The following ESCO1 variants were observed in gnomAD, a reference collection of about 807,000 sequenced individuals.
ESCO1 encodes the protein N-acetyltransferase ESCO1.
ESCO1 carries 33 observed loss-of-function variants against 83.5 expected under a neutral mutation model. The observed-to-expected ratio is 0.40, with a 90% CI of 0.30 to 0.53. The LOEUF is 0.53. Ranked by LOEUF, ESCO1 falls within the 20% of genes least tolerant of loss-of-function variation. ESCO1 has a pLI of 0.63. For missense variants in ESCO1, 855 were observed against 968.0 expected (o/e 0.88, Z 1.55); for synonymous variants, 332 against 324.3 (o/e 1.02, Z -0.25).
chr18:21,550,067 T>G (rs764987492), intron 8 of ESCO1, among the ~76,000 whole-genome samples: 1 of 151,970 alleles, frequency 6.6e-6, no homozygotes, highest in Non-Finnish European at 1.5e-5. Flanking sequence ...TGAAAAGGCA[T>G]AGAAACAAAA....
At chr18:21,588,941 G>A (rs2038621494) in intron 1 of ESCO1, among the ~76,000 whole-genome samples, 1 of 151,694 alleles carries the variant, frequency 6.6e-6, no homozygotes, top group South Asian at 2.1e-4. Context: ...TTTTAGAAAT[G>A]TTAATAATAG....
intron 7 of ESCO1, 108 bp from the exon 8 acceptor site, chr18:21,561,098 C>G: frequency 2.3e-5 from 23 of 1,020,228 alleles, no homozygotes; most frequent in Non-Finnish European, 3.1e-5. Flanking sequence ...GTTTAATCTA[C>G]ATGAATAACA....
intron 8 of ESCO1, among the ~76,000 whole-genome samples, chr18:21,560,225 A>T (rs1192623866): frequency 6.6e-6 from 1 of 152,014 alleles, no homozygotes; most frequent in African/African-American, 2.4e-5. Flanking sequence ...TGCTAAAAAA[A>T]TTTTGCTATT....
At chr18:21,595,393 G>A (rs1210088970) in intron 1 of ESCO1, among the ~76,000 whole-genome samples, 8 of 149,252 alleles carry the variant, frequency 5.4e-5, no homozygotes, top group East Asian at 4.0e-4. Context: ...AAAAGGGGCC[G>A]GCGCTGTGGT....
Position 21,573,891 on chromosome 18 carries a change from T to C in ESCO1, c.953A>G (p.Asn318Ser), listed in dbSNP as rs761046584. 1 of 1,614,100 alleles carries C rather than the reference T, an allele frequency of 6.2e-7. No individual in the cohort carries two copies. The highest frequency in any genetic ancestry group is 8.5e-7 in the Non-Finnish European group (1 of 1,180,018). The change falls in exon 4 of 12, where the codon AAT becomes AGT. Residue 318 changes from asparagine to serine, a missense_variant. Around this residue, in one of 2 missense-constraint regions of ESCO1, gnomAD observed 726 missense variants for 699.5 expected, o/e 1.04. Coordinates refer to ENST00000269214, the MANE Select transcript of ESCO1 (RefSeq NM_052911.3). ...EEIAGEIESD[N>S]VEVKKESSQM... Reference sequence around the variant, plus strand: ...TGAAGATTCCTTTTTTACCTCTACATTATCTGACTCAATTTCACCAGCAAT... The same window carrying C: ...TGAAGATTCCTTTTTTACCTCTACACTATCTGACTCAATTTCACCAGCAAT...
At chr18:21,591,616 ACT>A (rs1219520624) in intron 1 of ESCO1, among the ~76,000 whole-genome samples, 1 of 150,162 alleles carries the variant, frequency 6.7e-6, no homozygotes, top group Non-Finnish European at 1.5e-5. Context: ...CTCCAATCAC[ACT>A]GTTATCATCA....
intron 7 of ESCO1, 108 bp downstream of exon 7, chr18:21,564,095 C>G: frequency 2.7e-6 from 2 of 748,620 alleles, no homozygotes; most frequent in Non-Finnish European, 4.4e-6. Context: ...CCAAATAAAC[C>G]TCTTTTCTAT....
At chr18:21,565,114 TACTAATTTTCAGTAAAAAAACAAAA>T (rs1217215767) in intron 6 of ESCO1, among the ~76,000 whole-genome samples, 49 of 151,950 alleles carry the variant, frequency 3.2e-4, no homozygotes, top group Middle Eastern at 3.4e-3. Flanking sequence ...GAAAGAAAAT[TACTAATTTTCAGTAAAAAAACAAAA>T]ACTAATTTTC....
At chr18:21,559,783 T>C (rs2038159396) in intron 8 of ESCO1, among the ~76,000 whole-genome samples, 1 of 152,218 alleles carries the variant, frequency 6.6e-6, no homozygotes, top group Non-Finnish European at 1.5e-5. Flanking sequence ...ATATTCTATG[T>C]CCACGCACCT....
At chr18:21,598,900 A>G (rs1350128487) in intron 1 of ESCO1, among the ~76,000 whole-genome samples, 1 of 152,198 alleles carries the variant, frequency 6.6e-6, no homozygotes, top group Admixed American at 6.6e-5. Context: ...TAAAAGGGAA[A>G]AAGTGGCTCT....
intron 9 of ESCO1, among the ~76,000 whole-genome samples, chr18:21,538,286 TTA>T (rs1491200426): frequency 7.2e-6 from 1 of 138,598 alleles, no homozygotes; most frequent in Non-Finnish European, 1.6e-5. Flanking sequence ...ACCCTGTCTC[TTA>T]AAAAAAAAAA....
At chr18:21,567,050 C>A (rs1426717213) in intron 5 of ESCO1, among the ~76,000 whole-genome samples, 1 of 152,154 alleles carries the variant, frequency 6.6e-6, no homozygotes, top group Non-Finnish European at 1.5e-5. Context: ...GTATACCTTT[C>A]CTTTAGCAGA....
rs1416126833 is a variant in ESCO1 at position 21,596,404 on chromosome 18, A to ATCTT, written c.-825+4215_-825+4218dup. 3.3e-5 allele frequency among the ~76,000 whole-genome samples: 5 copies of ATCTT among 152,288 alleles called. No individual in the cohort carries two copies. In the East Asian group the frequency reaches 9.6e-4, roughly 29 times the overall value. ...ACCCTCTGAGTTTTTATCTGTGAGA[A>ATCTT]TCTTACGTATGCTGCCATAAATGTT... On this transcript the variant is annotated intron_variant, in intron 1 of 11. Coordinates refer to ENST00000269214, the MANE Select transcript of ESCO1 (RefSeq NM_052911.3).
At chr18:21,578,083 T>G (rs981354790) in intron 2 of ESCO1, among the ~76,000 whole-genome samples, 1 of 152,124 alleles carries the variant, frequency 6.6e-6, no homozygotes, top group African/African-American at 2.4e-5. Context: ...ATCGGGAGTC[T>G]ACCAGCCACT....
intron 8 of ESCO1, among the ~76,000 whole-genome samples, chr18:21,549,002 TTTC>T (rs1164397677): frequency 6.6e-6 from 1 of 152,172 alleles, no homozygotes; most frequent in East Asian, 1.9e-4. Flanking sequence ...GCTACAGAGT[TTTC>T]TGAAGTATCA....
chr18:21,583,909 T>C (rs2038538383), intron 2 of ESCO1, among the ~76,000 whole-genome samples: 1 of 152,174 alleles, frequency 6.6e-6, no homozygotes, highest in African/African-American at 2.4e-5. Context: ...AGATGTAAGT[T>C]ATATGGAACC....
intron 1 of ESCO1, among the ~76,000 whole-genome samples, chr18:21,588,665 C>T (rs2038617215): frequency 6.6e-6 from 1 of 152,114 alleles, no homozygotes; most frequent in East Asian, 1.9e-4. Flanking sequence ...GCCTGTAATA[C>T]TAACACTATG....
chr18:21,591,281 A>G (rs1412745491), intron 1 of ESCO1, among the ~76,000 whole-genome samples: 154 of 152,316 alleles, frequency 1.0e-3, no homozygotes, highest in Non-Finnish European at 3.4e-4. Flanking sequence ...GATTGGAGTA[A>G]TGTGGTCATA....
In ESCO1 at chr18:21,574,286, A is replaced by G; in HGVS notation, c.558T>C (p.Ser186=). The part of the protein sequence containing the change: ...KRKVLEVKSD[S]KEDENLVINE... ...TAATTACTAGATTTTCATCTTCTTT[A>G]GAGTCAGACTTTACTTCCAGTACTT... Residue 186 remains serine, a synonymous_variant, in exon 4 of 12, where the codon TCT becomes TCC. Coordinates refer to ENST00000269214, the MANE Select transcript of ESCO1 (RefSeq NM_052911.3). 6.2e-7 allele frequency: 1 copy of G among 1,613,716 alleles called. No homozygotes were observed. Among genetic ancestry groups the G allele is most frequent in the Non-Finnish European group, 8.5e-7 (1 of 1,179,984 alleles).
Sources: gnomAD v4.1 joint callset for allele counts (sites outside exome capture counted in the v4.1 genomes callset) on GRCh38, gnomAD v4.1.1 for gene constraint, gnomAD v4.1.1 regional missense constraint, MANE v1.5 for transcripts, NCBI Gene and HGNC (gene_info 2026-07-23, HGNC 2026-07-21) for gene names.